CALCRL: variants seen among roughly 807,000 people sequenced by gnomAD.
The protein encoded by CALCRL is calcitonin receptor like receptor.
In CALCRL, 27 loss-of-function variants were observed where a neutral mutation model predicts 60.4. The observed-to-expected ratio is 0.45, with a 90% CI of 0.33 to 0.62. CALCRL has a LOEUF of 0.62. Ranked by LOEUF, CALCRL falls within the 20% of genes least tolerant of loss-of-function variation. The probability of loss-of-function intolerance (pLI) is 0.03; values close to 1 mark genes in which losing one functional copy is unlikely to be tolerated. For synonymous variants in CALCRL, 190 were observed against 182.6 expected (o/e 1.04, Z -0.33); for missense variants, 424 against 540.7 (o/e 0.78, Z 2.14).
chr2:187,440,272 C>T lies in CALCRL; in HGVS notation c.-293+7767G>A, dbSNP rs73981580. On this transcript the variant is annotated intron_variant, in intron 1 of 14. Coordinates refer to ENST00000392370, the MANE Select transcript of CALCRL (RefSeq NM_005795.6). ...TTTCCCTTCCATGTTGATAACATCA[C>T]GCAACTATTTCTGTAAGGAAAAATG... is the stretch of plus-strand genomic sequence containing the variant. Among the ~76,000 whole-genome samples, 899 of 152,026 alleles carry T rather than the reference C, an allele frequency of 5.9e-3. 16 individuals carry two copies. Among genetic ancestry groups the T allele is most frequent in the African/African-American group, 0.021 (865 of 41,486 alleles).
At chr2:187,392,537 A>C (rs1482896120) in intron 1 of CALCRL, among the ~76,000 whole-genome samples, 2 of 152,162 alleles carry the variant, frequency 1.3e-5, no homozygotes, top group Non-Finnish European at 2.9e-5. Flanking sequence ...CCACACCTGC[A>C]TGGCAAATGG....
In CALCRL at chr2:187,343,702, T is replaced by G. The variant is rs1686172600; in HGVS notation, c.*2482A>C. The G allele has an allele frequency of 1.3e-5, 2 of 151,600 alleles. No homozygotes were observed. The allele number at this position is 151,600 out of a possible 1,614,324, so 9.4% of individuals were successfully genotyped here. A position where few individuals can be genotyped will look rare whatever the true frequency, so the allele number is the denominator to read the frequency against. ...TTTAAAAGCTAGAAATTTCCCCAAA[T>G]TTATTTTTTTGACAGCAAAGAAGTT... On this transcript the variant is annotated 3_prime_UTR_variant, in exon 15 of 15. Transcript: ENST00000392370.
chr2:187,411,327 T>C (rs1032699790), intron 1 of CALCRL, among the ~76,000 whole-genome samples: 4 of 152,116 alleles, frequency 2.6e-5, no homozygotes, highest in African/African-American at 4.8e-5. Context: ...TGTTCATGAG[T>C]GTATGTACTA....
intron 9 of CALCRL, among the ~76,000 whole-genome samples, chr2:187,361,660 C>T (rs766275388): frequency 9.2e-5 from 14 of 151,760 alleles, no homozygotes; most frequent in Non-Finnish European, 1.8e-4. Flanking sequence ...AATACTTTTA[C>T]ATATATTGTT....
chr2:187,446,321 C>A (rs1440536775), intron 1 of CALCRL, among the ~76,000 whole-genome samples: 2 of 151,578 alleles, frequency 1.3e-5, no homozygotes, highest in African/African-American at 4.8e-5. Context: ...TTCAAACTTC[C>A]AGTTATGTCC....
At chr2:187,447,646 G>A (rs1691254032) in intron 1 of CALCRL, among the ~76,000 whole-genome samples, 1 of 151,980 alleles carries the variant, frequency 6.6e-6, no homozygotes, top group African/African-American at 2.4e-5. Flanking sequence ...CTTTCTTACA[G>A]CTGATAACAT....
At chr2:187,372,145 AC>A (rs1687553583) in intron 8 of CALCRL, among the ~76,000 whole-genome samples, 1 of 152,078 alleles carries the variant, frequency 6.6e-6, no homozygotes. Flanking sequence ...CTTTAAAAAA[AC>A]AAACCAACAA....
At chr2:187,426,605 A>G (rs1233121911) in intron 1 of CALCRL, among the ~76,000 whole-genome samples, 1 of 152,064 alleles carries the variant, frequency 6.6e-6, no homozygotes, top group African/African-American at 2.4e-5. Context: ...TGGAAACACA[A>G]ACGATATATA....
chr2:187,390,818 A>T (rs1306836992), intron 1 of CALCRL, among the ~76,000 whole-genome samples: 1 of 152,134 alleles, frequency 6.6e-6, no homozygotes, highest in Non-Finnish European at 1.5e-5. Flanking sequence ...GGGTTTGTCA[A>T]AGATAGAGCA....
chr2:187,440,969 C>T (rs1381229312), intron 1 of CALCRL, among the ~76,000 whole-genome samples: 2 of 151,980 alleles, frequency 1.3e-5, no homozygotes, highest in Admixed American at 6.6e-5. Context: ...AATATTTGCT[C>T]ATATCTCATT....
At chr2:187,356,030 G>C (rs1686764628) in intron 12 of CALCRL, among the ~76,000 whole-genome samples, 2 of 152,092 alleles carry the variant, frequency 1.3e-5, no homozygotes, top group Non-Finnish European at 2.9e-5. Flanking sequence ...AACATTCCAT[G>C]CTCATACATA....
chr2:187,389,022 G>A (rs1009088066), intron 1 of CALCRL, among the ~76,000 whole-genome samples: 11 of 150,252 alleles, frequency 7.3e-5, no homozygotes, highest in Non-Finnish European at 5.9e-5. Flanking sequence ...CTTTCTCATT[G>A]TCTGCACTTT....
intron 1 of CALCRL, among the ~76,000 whole-genome samples, chr2:187,397,469 A>G (rs1383867955): frequency 1.3e-5 from 2 of 151,658 alleles, no homozygotes; most frequent in South Asian, 2.1e-4. Flanking sequence ...TCAAATATGG[A>G]CTTCTTAAAG....
At chr2:187,374,542 A>T (rs1325463632) in intron 8 of CALCRL, among the ~76,000 whole-genome samples, 23 of 152,156 alleles carry the variant, frequency 1.5e-4, no homozygotes. Flanking sequence ...GTTTGCTTCA[A>T]TTAGAGTATC....
At position 187,343,269 on chromosome 2, in the gene CALCRL, A is replaced by G. The variant is rs1392533514; in HGVS notation, c.*2915T>C. On this transcript the variant is annotated 3_prime_UTR_variant, in exon 15 of 15. Coordinates refer to ENST00000392370, the MANE Select transcript of CALCRL (RefSeq NM_005795.6). ...ATGTTTATAAATTAGATTATTTGGC[A>G]CTGTAGTAAATATCAGTGAAAATAA... The G allele has an allele frequency of 1.3e-5, 2 of 151,740 alleles. No individual in the cohort carries two copies. The highest frequency in any genetic ancestry group is 6.6e-5 in the Admixed American group (1 of 15,172). 9.4% of individuals were successfully genotyped at this position (151,740 alleles called of 1,614,324 possible). A position where few individuals can be genotyped will look rare whatever the true frequency, so the allele number is the denominator to read the frequency against.
At chr2:187,434,527 A>G (rs1163501476) in intron 1 of CALCRL, among the ~76,000 whole-genome samples, 1 of 152,112 alleles carries the variant, frequency 6.6e-6, no homozygotes, top group Non-Finnish European at 1.5e-5. Context: ...TGGAAACCTC[A>G]TACACTGTTG....
chr2:187,360,324 GT>G lies in CALCRL; in HGVS notation c.781+273del, dbSNP rs1318812735. 2.6e-4 allele frequency among the ~76,000 whole-genome samples: 39 copies of G among 151,944 alleles called. 1 individual carries two copies. Among genetic ancestry groups the G allele is most frequent in the African/African-American group, 8.0e-4 (33 of 41,480 alleles). ...TTATGATTCTACTTCTATTGTTTTA[GT>G]CACTACATATTCAGCCAAGATACCC... On this transcript the variant is annotated intron_variant, in intron 10 of 14. Transcript: ENST00000392370.
chr2:187,410,623 G>T (rs1193302483), intron 1 of CALCRL, among the ~76,000 whole-genome samples: 4 of 152,210 alleles, frequency 2.6e-5, no homozygotes, highest in Non-Finnish European at 5.9e-5. Context: ...ACTAAACCAA[G>T]TAGGATTTCT....
At chr2:187,363,003 A>C (rs988547206) in intron 9 of CALCRL, among the ~76,000 whole-genome samples, 1 of 152,166 alleles carries the variant, frequency 6.6e-6, no homozygotes, top group African/African-American at 2.4e-5. Flanking sequence ...AATAAATATT[A>C]TGTAGTGATA....
Sources: gnomAD v4.1 joint callset for allele counts (sites outside exome capture counted in the v4.1 genomes callset) on GRCh38, gnomAD v4.1.1 for gene constraint, MANE v1.5 for transcripts, NCBI Gene and HGNC (gene_info 2026-07-23, HGNC 2026-07-21) for gene names.